CLEC1A: variants seen among roughly 807,000 people sequenced by gnomAD.
CLEC1A encodes C-type lectin domain family 1 member A, also known as C-type lectin-like receptor-1.
In CLEC1A, 34 loss-of-function variants were observed where a neutral mutation model predicts 28.7. The ratio of observed to expected loss-of-function variants is 1.18; its 90% confidence interval spans 0.90 to 1.57. CLEC1A has a LOEUF of 1.57. Among genes scored for constraint, CLEC1A ranks in the 40% most tolerant of loss-of-function variants. CLEC1A has a pLI of 0.00. For synonymous variants in CLEC1A, 116 were observed against 121.0 expected (o/e 0.96, Z 0.27); for missense variants, 385 against 339.5 (o/e 1.13, Z -1.05).
intron 1 of CLEC1A, among the ~76,000 whole-genome samples, chr12:10,095,955 T>C (rs534594187): frequency 7.2e-5 from 11 of 152,322 alleles, no homozygotes; most frequent in Admixed American, 5.9e-4. Flanking sequence ...GATTATCTCC[T>C]TGACACTCTC....
intron 2 of CLEC1A, among the ~76,000 whole-genome samples, chr12:10,085,324 T>C (rs1866467699): frequency 6.6e-6 from 1 of 151,264 alleles, no homozygotes; most frequent in South Asian, 2.1e-4. Flanking sequence ...TGAATGTAAA[T>C]GGCCTAAATG....
At chr12:10,097,656 C>G (rs191992546) in intron 1 of CLEC1A, among the ~76,000 whole-genome samples, 8 of 152,258 alleles carry the variant, frequency 5.3e-5, no homozygotes, top group African/African-American at 1.9e-4. Flanking sequence ...ACATGCTGTT[C>G]TTAATTATGC....
rs200437169 is a variant in CLEC1A at position 10,087,472 on chromosome 12, T to TTATATA, written c.214+1646_214+1651dup. 2.2e-3 allele frequency among the ~76,000 whole-genome samples: 169 copies of TTATATA among 75,168 alleles called. 1 individual carries two copies. The highest frequency in any genetic ancestry group is 6.2e-3 in the East Asian group (7 of 1,122). The allele number at this position is 75,168 out of a possible 152,430, so 49.3% of individuals were successfully genotyped here. A position where few individuals can be genotyped will look rare whatever the true frequency, so the allele number is the denominator to read the frequency against. ...GGCATATAAAGGACATACCTCAAAG[T>TTATATA]TATATATATATATATATATATATAT... On this transcript the variant is annotated intron_variant, in intron 2 of 5. Transcript: ENST00000315330.
At chr12:10,077,233 C>T (rs1010715680) in intron 3 of CLEC1A, among the ~76,000 whole-genome samples, 1 of 151,986 alleles carries the variant, frequency 6.6e-6, no homozygotes, top group Non-Finnish European at 1.5e-5. Flanking sequence ...CTTCAACTAC[C>T]TAATATTTGA....
rs745431953 is a variant in CLEC1A, at chr12:10,073,327, G to A, written c.628C>T (p.Leu210=). 1.2e-6 allele frequency: 2 copies of A among 1,613,842 alleles called. No homozygotes were observed. Among genetic ancestry groups the A allele is most frequent in the East Asian group, 4.5e-5 (2 of 44,888 alleles). Residue 210 remains leucine (L), a synonymous_variant, in exon 5 of 6, where the codon CTG becomes TTG. Coordinates refer to ENST00000315330, the MANE Select transcript of CLEC1A (RefSeq NM_016511.4). The stretch of plus-strand genomic sequence containing the variant: ...GTGAAAGGGGTTCCATCCATCCACA[G>A]CCAGGCCTTGCCACTGTCAGGGCGC... ...LLRPDSGKAW[L]WMDGTPFTSE... is the part of the protein sequence containing the mutation.
chr12:10,076,097 T>C (rs2137333559), intron 3 of CLEC1A, among the ~76,000 whole-genome samples: 1 of 152,292 alleles, frequency 6.6e-6, no homozygotes, highest in Non-Finnish European at 1.5e-5. Flanking sequence ...ACCAATATGA[T>C]GTGGAGTCTT....
intron 3 of CLEC1A, among the ~76,000 whole-genome samples, chr12:10,080,398 CACTT>C (rs1305396188): frequency 1.3e-5 from 2 of 152,006 alleles, no homozygotes; most frequent in African/African-American, 4.8e-5. Context: ...AGGAAAGAAT[CACTT>C]AGAGAAGTAA....
intron 4 of CLEC1A, 64 bp downstream of exon 4, chr12:10,075,440 T>C (rs191669663): frequency 1.9e-6 from 3 of 1,542,690 alleles, no homozygotes; most frequent in African/African-American, 2.7e-5. Context: ...AGAGTCTTCT[T>C]GCCTAATGCT....
Position 10,070,760 on chromosome 12 carries a change from T to G in CLEC1A, c.*573A>C, listed in dbSNP as rs1238659569. The G allele has an allele frequency of 6.6e-6, 1 of 152,234 alleles. No individual in the cohort carries two copies. 9.4% of individuals were successfully genotyped at this position (152,234 alleles called of 1,614,324 possible). A position where few individuals can be genotyped will look rare whatever the true frequency, so the allele number is the denominator to read the frequency against. ...AAGGAATGCTTATAAGGCATTGAGA[T>G]TTGAGATTCTCATATCAAGTGACAT... On this transcript the variant is annotated 3_prime_UTR_variant, in exon 6 of 6. Coordinates refer to ENST00000315330, the MANE Select transcript of CLEC1A (RefSeq NM_016511.4).
chr12:10,080,229 C>G (rs1399703711), intron 3 of CLEC1A, among the ~76,000 whole-genome samples: 1 of 152,094 alleles, frequency 6.6e-6, no homozygotes, highest in Admixed American at 6.6e-5. Context: ...AGGAGAATTG[C>G]TTAAACCTGG....
intron 1 of CLEC1A, chr12:10,092,510 C>G (rs1425739318): frequency 3.5e-6 from 1 of 286,506 alleles, no homozygotes; most frequent in Non-Finnish European, 7.3e-6. Context: ...TCGTGCCACT[C>G]TACTCCAGCC....
At chr12:10,093,174 G>T (rs1227687111) in intron 1 of CLEC1A, among the ~76,000 whole-genome samples, 5 of 151,718 alleles carry the variant, frequency 3.3e-5, no homozygotes, top group African/African-American at 1.2e-4. Flanking sequence ...CTCTCTCCAG[G>T]GATCACCCTC....
intron 1 of CLEC1A, among the ~76,000 whole-genome samples, chr12:10,094,978 C>T (rs1012116826): frequency 1.3e-5 from 2 of 151,962 alleles, no homozygotes; most frequent in Admixed American, 6.6e-5. Context: ...CTCATTCATT[C>T]CTATATTGCT....
intron 2 of CLEC1A, among the ~76,000 whole-genome samples, chr12:10,081,817 A>C (rs894616000): frequency 1.3e-5 from 2 of 152,022 alleles, no homozygotes; most frequent in African/African-American, 4.8e-5. Flanking sequence ...AGACAGCCAA[A>C]AATGTGTGAA....
chr12:10,093,332 G>A (rs1947732145), intron 1 of CLEC1A, among the ~76,000 whole-genome samples: 1 of 141,486 alleles, frequency 7.1e-6, no homozygotes, highest in African/African-American at 2.6e-5. Context: ...GACAGGCCAA[G>A]GAATGATATA....
intron 1 of CLEC1A, among the ~76,000 whole-genome samples, chr12:10,091,482 T>C (rs1947702085): frequency 6.6e-6 from 1 of 152,156 alleles, no homozygotes; most frequent in Non-Finnish European, 1.5e-5. Context: ...CCCAGCCATG[T>C]TGGTTTCTAT....
rs1866121797 is a variant in CLEC1A, at chr12:10,071,315, G to A, written c.*18C>T. The stretch of plus-strand genomic sequence containing the variant: ...CACCGCCTGGCTCACTCTGCTATTT[G>A]TAGTTGCAGAGGGCGAATCAGTCAC... On this transcript the variant is annotated 3_prime_UTR_variant, in exon 6 of 6. Coordinates refer to ENST00000315330, the MANE Select transcript of CLEC1A (RefSeq NM_016511.4). The A allele has an allele frequency of 6.2e-7, 1 of 1,607,548 alleles. No individual in the cohort carries two copies. Among genetic ancestry groups the A allele is most frequent in the East Asian group, 2.2e-5 (1 of 44,782 alleles).
intron 2 of CLEC1A, among the ~76,000 whole-genome samples, chr12:10,088,639 C>T (rs183357871): frequency 6.6e-6 from 1 of 151,920 alleles, no homozygotes; most frequent in East Asian, 1.9e-4. Flanking sequence ...TTGATTTTCA[C>T]AAGTTTTTGT....
At chr12:10,074,392 C>A (rs1866206103) in intron 4 of CLEC1A, among the ~76,000 whole-genome samples, 1 of 151,920 alleles carries the variant, frequency 6.6e-6, no homozygotes, top group Non-Finnish European at 1.5e-5. Flanking sequence ...AATATTTATT[C>A]CAATTAAATG....
Sources: gnomAD v4.1 joint callset for allele counts (sites outside exome capture counted in the v4.1 genomes callset) on GRCh38, gnomAD v4.1.1 for gene constraint, MANE v1.5 for transcripts, NCBI Gene and HGNC (gene_info 2026-07-23, HGNC 2026-07-21) for gene names.